IKZF2: variants seen among roughly 807,000 people sequenced by gnomAD.
IKZF2 encodes the protein IKAROS family zinc finger 2.
IKZF2 carries 15 observed loss-of-function variants against 49.2 expected under a neutral mutation model. The ratio of observed to expected loss-of-function variants is 0.30; its 90% CI spans 0.20 to 0.47. The LOEUF (loss-of-function observed/expected upper bound fraction) is 0.47. Among genes scored for constraint, IKZF2 ranks in the 20% least tolerant of loss-of-function variants. The pLI, the probability that IKZF2 is intolerant of heterozygous loss-of-function variation, is 1.00. For synonymous variants in IKZF2, 227 were observed against 221.4 expected, an observed-to-expected ratio of 1.03 and a Z score of -0.23; for missense variants, 567 against 664.6, an observed-to-expected ratio of 0.85 and a Z score of 1.61.
chr2:213,012,093 T>C (rs1179186069), intron 8 of IKZF2, among the ~76,000 whole-genome samples: 3 of 152,006 alleles, frequency 2.0e-5, no homozygotes, highest in Admixed American at 6.6e-5. Context: ...AGAAGGCAAT[T>C]TATAATAAGT....
At chr2:213,150,590 A>G (rs960574775) in intron 1 of IKZF2, among the ~76,000 whole-genome samples, 1 of 151,056 alleles carries the variant, frequency 6.6e-6, no homozygotes, top group African/African-American at 2.4e-5. Context: ...GAAAAAAAAG[A>G]GAGAGAGAGA....
intron 4 of IKZF2, among the ~76,000 whole-genome samples, chr2:213,108,027 T>C (rs1346068391): frequency 6.6e-6 from 1 of 152,078 alleles, no homozygotes; most frequent in Non-Finnish European, 1.5e-5. Flanking sequence ...ACTGAGTTGA[T>C]AGGAGAATGG....
At chr2:213,147,589 G>A (rs1405423249) in intron 4 of IKZF2, 119 bp downstream of exon 4, 1 of 801,316 alleles carries the variant, frequency 1.2e-6, no homozygotes, top group South Asian at 1.3e-5. Context: ...TCTTTCTTTA[G>A]CAAAATCTAT....
At chr2:213,145,131 C>A (rs570918511) in intron 4 of IKZF2, among the ~76,000 whole-genome samples, 6 of 150,712 alleles carry the variant, frequency 4.0e-5, no homozygotes, top group African/African-American at 1.5e-4. Flanking sequence ...AGCTCTCATG[C>A]CTTATTGATA....
At chr2:213,147,947 T>A (rs2061138131) in intron 3 of IKZF2, 135 bp from the exon 4 acceptor site, 1 of 630,728 alleles carries the variant, frequency 1.6e-6, no homozygotes. Flanking sequence ...TTAGAAACTA[T>A]AAGGAAATAT....
intron 5 of IKZF2, among the ~76,000 whole-genome samples, chr2:213,055,761 A>G (rs1701089284): frequency 6.6e-6 from 1 of 152,128 alleles, no homozygotes. Context: ...CTTCATGTGT[A>G]TTATGAAAGG....
Position 213,005,938 on chromosome 2 carries a change from G to C in IKZF2, c.*1422C>G, listed in dbSNP as rs769980345. The C allele has an allele frequency of 1.3e-5, 2 of 152,052 alleles. No individual in the cohort carries two copies. The highest frequency in any genetic ancestry group is 2.9e-5 in the Non-Finnish European group (2 of 67,982). The allele number at this position is 152,052 out of a possible 1,614,324, so 9.4% of individuals were successfully genotyped here. On this transcript the variant is annotated 3_prime_UTR_variant, in exon 9 of 9. Coordinates refer to ENST00000434687, the MANE Select transcript of IKZF2 (RefSeq NM_001387220.1). ...TACACAATTAAATGTTTTGGAAACA[G>C]AAAAATGTGCAGGACTTTCCTTTGG...
intron 4 of IKZF2, among the ~76,000 whole-genome samples, chr2:213,147,079 AG>A (rs1387961364): frequency 6.6e-6 from 1 of 152,186 alleles, no homozygotes; most frequent in Admixed American, 6.5e-5. Context: ...ATATTACATC[AG>A]TAAATGACCC....
intron 4 of IKZF2, among the ~76,000 whole-genome samples, chr2:213,118,449 T>C (rs2059945468): frequency 6.6e-6 from 1 of 152,198 alleles, no homozygotes. Context: ...TAAAGACATT[T>C]GTAAATGTGT....
intron 4 of IKZF2, among the ~76,000 whole-genome samples, chr2:213,065,888 G>T (rs1480855031): frequency 6.6e-6 from 1 of 152,078 alleles, no homozygotes; most frequent in Non-Finnish European, 1.5e-5. Context: ...TATACAATCT[G>T]ATATGTTTTT....
At chr2:213,096,168 C>A (rs764350989) in intron 4 of IKZF2, among the ~76,000 whole-genome samples, 1 of 151,718 alleles carries the variant, frequency 6.6e-6, no homozygotes, top group Non-Finnish European at 1.5e-5. Context: ...AAACTTGATG[C>A]GAATTTCACA....
chr2:213,089,993 C>G (rs1247155208), intron 4 of IKZF2, among the ~76,000 whole-genome samples: 2 of 152,186 alleles, frequency 1.3e-5, no homozygotes, highest in Non-Finnish European at 2.9e-5. Context: ...ATATCACTCA[C>G]AGCTGGGGAG....
intron 7 of IKZF2, among the ~76,000 whole-genome samples, chr2:213,019,544 T>A (rs769615711): frequency 2.0e-5 from 3 of 152,170 alleles, no homozygotes. Flanking sequence ...TTAAGGATAA[T>A]CTCAAATTAT....
In IKZF2 at chr2:213,141,008, GT is replaced by G. The variant is rs558609429; in HGVS notation, c.139+6699del. 3.6e-4 allele frequency among the ~76,000 whole-genome samples: 55 copies of G among 151,996 alleles called. 1 individual carries two copies. The South Asian group carries it at 0.011, about 31-fold the overall frequency. On this transcript the variant is annotated intron_variant, in intron 4 of 8. Coordinates refer to ENST00000434687, the MANE Select transcript of IKZF2 (RefSeq NM_001387220.1). ...CCCTCTCCCAAATTGTACCCTGTGGGTGCTTCAAACCAGAATTGAACTAAGC... is the reference window on the plus strand; with the variant it reads ...CCCTCTCCCAAATTGTACCCTGTGGGGCTTCAAACCAGAATTGAACTAAGC...
chr2:213,038,261 G>A (rs1425528121), intron 6 of IKZF2, among the ~76,000 whole-genome samples: 2 of 152,106 alleles, frequency 1.3e-5, no homozygotes, highest in African/African-American at 2.4e-5. Context: ...GGGTTTCACC[G>A]TGTTAGCCAG....
chr2:213,134,319 C>T (rs1397772224), intron 4 of IKZF2, among the ~76,000 whole-genome samples: 1 of 152,186 alleles, frequency 6.6e-6, no homozygotes, highest in African/African-American at 2.4e-5. Flanking sequence ...TTACAGTCTC[C>T]CTAACCCCCT....
intron 8 of IKZF2, among the ~76,000 whole-genome samples, chr2:213,009,731 G>C (rs1695740569): frequency 6.6e-6 from 1 of 152,094 alleles, no homozygotes; most frequent in Admixed American, 6.6e-5. Context: ...AGTGTGGTAT[G>C]TGTGATGGGG....
intron 4 of IKZF2, among the ~76,000 whole-genome samples, chr2:213,117,723 A>G (rs1229056992): frequency 2.0e-5 from 3 of 152,222 alleles, no homozygotes; most frequent in Non-Finnish European, 4.4e-5. Context: ...GACAATGAAC[A>G]GGGGAAAGTG....
intron 8 of IKZF2, among the ~76,000 whole-genome samples, chr2:213,012,242 T>C (rs1386281260): frequency 4.6e-5 from 7 of 151,698 alleles, no homozygotes; most frequent in Non-Finnish European, 7.4e-5. Flanking sequence ...ATAATATAAA[T>C]ATTTTAGAAT....
Sources: gnomAD v4.1 joint callset for allele counts (sites outside exome capture counted in the v4.1 genomes callset) on GRCh38, gnomAD v4.1.1 for gene constraint, MANE v1.5 for transcripts, NCBI Gene and HGNC (gene_info 2026-07-23, HGNC 2026-07-21) for gene names.